Variants in ZNF536 observed in about 807,000 individuals in gnomAD.
The protein encoded by ZNF536 is zinc finger protein 536.
In ZNF536, 13 loss-of-function variants were observed where a neutral mutation model predicts 84.5. The observed-to-expected ratio is 0.15, with a 90% CI of 0.10 to 0.24. ZNF536 has a LOEUF of 0.24. Among genes scored for constraint, ZNF536 ranks in the 10% least tolerant of loss-of-function variants. The probability of loss-of-function intolerance (pLI) is 1.00; values close to 1 mark genes in which losing one functional copy is unlikely to be tolerated. For missense variants in ZNF536, 1,536 were observed against 1,747.5 expected (o/e 0.88, Z 2.16); for synonymous variants, 811 against 742.5 (o/e 1.09, Z -1.50).
intron 1 of ZNF536, among the ~76,000 whole-genome samples, chr19:30,655,740 G>C (rs1186395945): frequency 1.3e-5 from 2 of 152,170 alleles, no homozygotes; most frequent in African/African-American, 4.8e-5. Context: ...CCTCTGGCCG[G>C]TTAAAATTCC....
At chr19:30,414,788 A>T (rs2050642473) in intron 1 of ZNF536, among the ~76,000 whole-genome samples, 1 of 152,240 alleles carries the variant, frequency 6.6e-6, no homozygotes, top group African/African-American at 2.4e-5. Flanking sequence ...CCTCTGTTGT[A>T]TAAAACCTTT....
At chr19:30,611,095 G>A (rs1011242091) in intron 1 of ZNF536, among the ~76,000 whole-genome samples, 2 of 152,194 alleles carry the variant, frequency 1.3e-5, no homozygotes, top group African/African-American at 4.8e-5. Context: ...TTAGGATAGG[G>A]TTAGGAGAGG....
At chr19:30,296,360 A>G (rs1333426822) in intron 2 of ZNF536, 1 of 152,256 alleles carries the variant, frequency 6.6e-6, no homozygotes, top group Non-Finnish European at 1.5e-5. Flanking sequence ...GGGCCAGGTG[A>G]CAGAACTCAG....
intron 2 of ZNF536, among the ~76,000 whole-genome samples, chr19:30,347,960 C>T (rs931480792): frequency 6.6e-5 from 10 of 152,206 alleles, no homozygotes; most frequent in Admixed American, 1.3e-4. Context: ...TACTTCAACC[C>T]GCCACGTGGG....
chr19:30,685,716 G>A (rs961294773), intron 1 of ZNF536, among the ~76,000 whole-genome samples: 2 of 152,102 alleles, frequency 1.3e-5, no homozygotes, highest in Non-Finnish European at 2.9e-5. Flanking sequence ...AAATGGCCCC[G>A]TGCAGAGGCA....
intron 3 of ZNF536, among the ~76,000 whole-genome samples, chr19:30,542,064 G>A (rs757061454): frequency 1.3e-5 from 2 of 152,092 alleles, no homozygotes; most frequent in Non-Finnish European, 1.5e-5. Flanking sequence ...ATATTCAGTT[G>A]CTCAACTTAA....
rs943799445 is a variant in ZNF536 at position 30,557,856 on chromosome 19, A to G, written c.*692A>G. The G allele has an allele frequency of 2.6e-5, 4 of 152,548 alleles. No homozygotes were observed. Among genetic ancestry groups the G allele is most frequent in the African/African-American group, 9.7e-5 (4 of 41,412 alleles). 9.4% of individuals were successfully genotyped at this position (152,548 alleles called of 1,614,324 possible). ...AGAGTATTGTTGAAGTAATTAGAAGATATATTAAGGTGTTCCTGGTAATGA... is the reference window on the plus strand; with the variant it reads ...AGAGTATTGTTGAAGTAATTAGAAGGTATATTAAGGTGTTCCTGGTAATGA... On this transcript the variant is annotated 3_prime_UTR_variant, in exon 5 of 5. Coordinates refer to ENST00000355537, the MANE Select transcript of ZNF536 (RefSeq NM_014717.3).
intron 1 of ZNF536, among the ~76,000 whole-genome samples, chr19:30,649,853 T>C (rs553039162): frequency 2.4e-4 from 36 of 152,306 alleles, no homozygotes; most frequent in African/African-American, 8.4e-4. Flanking sequence ...TTTTAATTGT[T>C]AGTTTATACT....
At chr19:30,476,325 T>C (rs1401440565) in intron 2 of ZNF536, among the ~76,000 whole-genome samples, 1 of 152,182 alleles carries the variant, frequency 6.6e-6, no homozygotes, top group Non-Finnish European at 1.5e-5. Context: ...ATCCTGGCAT[T>C]TGGAATGAGA....
chr19:30,354,706 G>A (rs192375233), intron 3 of ZNF536, among the ~76,000 whole-genome samples: 1 of 152,306 alleles, frequency 6.6e-6, no homozygotes, highest in African/African-American at 2.4e-5. Flanking sequence ...GGAGGATTGA[G>A]ACTTTGTATC....
chr19:30,423,588 G>A (rs1351147323), intron 1 of ZNF536, among the ~76,000 whole-genome samples: 5 of 152,248 alleles, frequency 3.3e-5, no homozygotes, highest in African/African-American at 1.2e-4. Context: ...GAATGCTGGG[G>A]TGAACAAGCA....
At chr19:30,658,377 G>T (rs1401942092) in intron 1 of ZNF536, among the ~76,000 whole-genome samples, 1 of 152,100 alleles carries the variant, frequency 6.6e-6, no homozygotes, top group Non-Finnish European at 1.5e-5. Flanking sequence ...TGCCCAGAGT[G>T]ATCAGGTCAT....
intron 2 of ZNF536, among the ~76,000 whole-genome samples, chr19:30,446,520 T>C (rs2052356244): frequency 6.6e-6 from 1 of 152,048 alleles, no homozygotes; most frequent in Non-Finnish European, 1.5e-5. Context: ...AATTCTCTCA[T>C]GCAGGCACCG....
intron 4 of ZNF536, among the ~76,000 whole-genome samples, chr19:30,552,565 G>A (rs952812055): frequency 1.3e-5 from 2 of 152,222 alleles, no homozygotes; most frequent in African/African-American, 4.8e-5. Flanking sequence ...ACCCTATTCT[G>A]TGGGTGATAC....
intron 1 of ZNF536, among the ~76,000 whole-genome samples, chr19:30,572,569 G>C (rs138088039): frequency 6.6e-6 from 1 of 152,232 alleles, no homozygotes; most frequent in African/African-American, 2.4e-5. Context: ...TGGGGAAGGT[G>C]CATGGTTACT....
chr19:30,397,962 C>G (rs995216379), intron 1 of ZNF536, among the ~76,000 whole-genome samples: 3 of 152,090 alleles, frequency 2.0e-5, no homozygotes, highest in Non-Finnish European at 4.4e-5. Flanking sequence ...AGAAAATAGC[C>G]CATGATTTTA....
intron 3 of ZNF536, among the ~76,000 whole-genome samples, chr19:30,546,711 G>T (rs1342288528): frequency 6.6e-6 from 1 of 152,212 alleles, no homozygotes; most frequent in Non-Finnish European, 1.5e-5. Context: ...AGGGGAGGGG[G>T]AATAGTTGAG....
At chr19:30,712,042 A>C (rs989486469) in exon 2 of ZNF536, 5 of 98,420 alleles carry the variant, frequency 5.1e-5, no homozygotes, top group African/African-American at 2.3e-4. Flanking sequence ...GCTCTTATGA[A>C]ATAGCTTGTA....
chr19:30,514,446 G>C (rs2055549370), intron 2 of ZNF536, among the ~76,000 whole-genome samples: 1 of 151,996 alleles, frequency 6.6e-6, no homozygotes. Context: ...GGTCCTGCAG[G>C]GGGGTCAAAG....
Sources: gnomAD v4.1 joint callset for allele counts (sites outside exome capture counted in the v4.1 genomes callset) on GRCh38, gnomAD v4.1.1 for gene constraint, MANE v1.5 for transcripts, NCBI Gene and HGNC (gene_info 2026-07-23, HGNC 2026-07-21) for gene names.